The following RNF150 variants were observed in gnomAD, a reference collection of about 807,000 sequenced individuals.
The protein encoded by RNF150 is ring finger protein 150.
RNF150 carries 24 observed loss-of-function variants against 39.3 expected under a neutral mutation model. The observed-to-expected ratio is 0.61, with a 90% CI of 0.44 to 0.86. The LOEUF is 0.86. Ranked by LOEUF, RNF150 falls within the 40% of genes least tolerant of loss-of-function variation. The pLI is 0.00. For synonymous variants in RNF150, 255 were observed against 227.3 expected (o/e 1.12, Z -1.10); for missense variants, 502 against 587.8 (o/e 0.85, Z 1.51).
At chr4:141,044,545 AACAT>A in intron 1 of RNF150, among the ~76,000 whole-genome samples, 2 of 152,244 alleles carry the variant, frequency 1.3e-5, no homozygotes, top group Admixed American at 1.3e-4. Context: ...ATATTTACAT[AACAT>A]TATTATTTTA....
intron 1 of RNF150, among the ~76,000 whole-genome samples, chr4:141,175,209 C>T (rs183491376): frequency 1.7e-4 from 26 of 152,314 alleles, no homozygotes; most frequent in Non-Finnish European, 2.5e-4. Context: ...TAAGCCGATT[C>T]GCTGTGCAAC....
chr4:140,996,930 T>A (rs1192814441), intron 1 of RNF150: 2 of 152,098 alleles, frequency 1.3e-5, no homozygotes, highest in African/African-American at 4.8e-5. Context: ...CATTCCAGAA[T>A]GTGAGAGATT....
chr4:140,937,636 TATTA>T (rs1390896924), intron 4 of RNF150, among the ~76,000 whole-genome samples: 2 of 151,982 alleles, frequency 1.3e-5, no homozygotes, highest in Non-Finnish European at 2.9e-5. Flanking sequence ...AGAAAAACAA[TATTA>T]ATTGCTTGAC....
intron 1 of RNF150, among the ~76,000 whole-genome samples, chr4:141,072,212 G>A (rs1160299775): frequency 6.6e-6 from 1 of 152,210 alleles, no homozygotes; most frequent in East Asian, 1.9e-4. Flanking sequence ...AACAGGTTAA[G>A]TGTTTTATAT....
intron 1 of RNF150, among the ~76,000 whole-genome samples, chr4:141,073,317 C>T (rs1737775137): frequency 6.6e-6 from 1 of 152,076 alleles, no homozygotes; most frequent in Admixed American, 6.5e-5. Flanking sequence ...GGCATTATCT[C>T]CTTTGCTTTC....
At chr4:141,014,339 T>A (rs944033282) in intron 1 of RNF150, among the ~76,000 whole-genome samples, 7 of 152,250 alleles carry the variant, frequency 4.6e-5, no homozygotes, top group Admixed American at 3.3e-4. Context: ...CTTATTTCCG[T>A]TCCTCTGGAT....
At chr4:140,902,930 G>A (rs188231406) in intron 6 of RNF150, among the ~76,000 whole-genome samples, 1 of 152,250 alleles carries the variant, frequency 6.6e-6, no homozygotes, top group Non-Finnish European at 1.5e-5. Flanking sequence ...TGTGGCTCGG[G>A]GAGAAAGCTA....
At chr4:141,046,346 T>C (rs1736575316) in intron 1 of RNF150, among the ~76,000 whole-genome samples, 1 of 152,198 alleles carries the variant, frequency 6.6e-6, no homozygotes, top group Non-Finnish European at 1.5e-5. Context: ...GTTAGTCACA[T>C]TCATGACTGG....
chr4:140,951,100 C>A (rs1732522403), intron 2 of RNF150, among the ~76,000 whole-genome samples: 1 of 152,166 alleles, frequency 6.6e-6, no homozygotes, highest in African/African-American at 2.4e-5. Flanking sequence ...CAGCTGAAAT[C>A]ATTTCTTCAA....
chr4:141,164,634 G>C (rs1444691820), intron 1 of RNF150, among the ~76,000 whole-genome samples: 2 of 152,204 alleles, frequency 1.3e-5, no homozygotes, highest in Non-Finnish European at 2.9e-5. Flanking sequence ...AGCCAGAAGA[G>C]AGTGGGGGCC....
At chr4:141,061,478 T>C (rs1447424174) in intron 1 of RNF150, among the ~76,000 whole-genome samples, 1 of 152,184 alleles carries the variant, frequency 6.6e-6, no homozygotes, top group Admixed American at 6.5e-5. Flanking sequence ...ATCAGACTAG[T>C]GGTATGCACT....
rs183931944 is a variant in RNF150 at position 141,006,844 on chromosome 4, T to C, written c.485-38971A>G. Reference sequence around the variant, plus strand: ...GAATTGTATTTGAGAGCACCAAACATGGTGAAAAAACCAAATTTAGATATT... The same window carrying C: ...GAATTGTATTTGAGAGCACCAAACACGGTGAAAAAACCAAATTTAGATATT... On this transcript the variant is annotated intron_variant, in intron 1 of 6. Transcript: ENST00000515673. Among the ~76,000 whole-genome samples the C allele has an allele frequency of 2.4e-4, 37 of 152,330 alleles. 1 individual carries two copies. The East Asian group carries it at 6.4e-3, about 26-fold the overall frequency.
chr4:141,003,936 G>A (rs936986701), intron 1 of RNF150, among the ~76,000 whole-genome samples: 3 of 152,070 alleles, frequency 2.0e-5, no homozygotes, highest in Non-Finnish European at 2.9e-5. Context: ...AAGCCCACCC[G>A]CATCAGGAGA....
At chr4:141,177,481 TC>T (rs59909878) in intron 1 of RNF150, among the ~76,000 whole-genome samples, 30,203 of 151,002 alleles carry the variant, frequency 0.2, 3,318 homozygotes, top group South Asian at 0.34. Flanking sequence ...ATTCTTTCTC[TC>T]TCTCTCTCTC....
At chr4:141,147,905 G>A (rs891713423) in intron 1 of RNF150, among the ~76,000 whole-genome samples, 11 of 152,180 alleles carry the variant, frequency 7.2e-5, no homozygotes, top group African/African-American at 1.7e-4. Flanking sequence ...AATATGAGGC[G>A]TAGAGAATAA....
At chr4:141,134,815 A>C (rs1302256455), upstream of RNF150, among the ~76,000 whole-genome samples, 3 of 152,244 alleles carry the variant, frequency 2.0e-5, no homozygotes. Context: ...GAACCACCAG[A>C]GATCTGAGGG....
chr4:141,091,846 T>G (rs1443629161), intron 1 of RNF150, among the ~76,000 whole-genome samples: 1 of 152,064 alleles, frequency 6.6e-6, no homozygotes. Flanking sequence ...AATTCAGACA[T>G]GCCAAAAAGG....
At chr4:140,903,065 G>T (rs1409116575) in intron 6 of RNF150, among the ~76,000 whole-genome samples, 1 of 152,166 alleles carries the variant, frequency 6.6e-6, no homozygotes, top group Non-Finnish European at 1.5e-5. Flanking sequence ...TGCTAAGACA[G>T]GGGCTCTAAC....
In RNF150 at chr4:141,057,232, G is replaced by A. The variant is rs115486256; in HGVS notation, c.484+75093C>T. On this transcript the variant is annotated intron_variant, in intron 1 of 6. Transcript: ENST00000515673. Reference sequence around the variant, plus strand: ...AGGCATATGGTAACATTCAATAAATGTTAATTCTTATTTTTTAAAATTATA... The same window carrying A: ...AGGCATATGGTAACATTCAATAAATATTAATTCTTATTTTTTAAAATTATA... Among the ~76,000 whole-genome samples the A allele has an allele frequency of 8.0e-3, 1,214 of 151,722 alleles. 15 individuals carry two copies. The highest frequency in any genetic ancestry group is 0.028 in the African/African-American group (1,147 of 41,384).
Sources: gnomAD v4.1 joint callset for allele counts (sites outside exome capture counted in the v4.1 genomes callset) on GRCh38, gnomAD v4.1.1 for gene constraint, MANE v1.5 for transcripts, NCBI Gene and HGNC (gene_info 2026-07-23, HGNC 2026-07-21) for gene names.